Variants in ASXL2 observed in about 807,000 individuals in gnomAD.
ASXL2 encodes putative Polycomb group protein ASXL2.
Under a neutral mutation model 122.0 loss-of-function variants are expected in ASXL2, and 23 were observed. That is an observed-to-expected ratio of 0.19 (90% confidence interval 0.14 to 0.27). The LOEUF is 0.27. Among genes scored for constraint, ASXL2 ranks in the 10% least tolerant of loss-of-function variants. The probability of loss-of-function intolerance (pLI) is 1.00; values close to 1 mark genes in which losing one functional copy is unlikely to be tolerated. For synonymous variants in ASXL2, 650 were observed against 637.0 expected (o/e 1.02, Z -0.31); for missense variants, 1,518 against 1,713.8 (o/e 0.89, Z 2.02).
At chr2:25,844,921 G>A (rs1000893651) in intron 2 of ASXL2, among the ~76,000 whole-genome samples, 1 of 152,146 alleles carries the variant, frequency 6.6e-6, no homozygotes, top group Non-Finnish European at 1.5e-5. Flanking sequence ...ACAAGCATGA[G>A]CCACCATGCC....
Position 25,823,348 on chromosome 2 carries a change from A to G in ASXL2, c.143+12190T>C, listed in dbSNP as rs1433583219. On this transcript the variant is annotated intron_variant, in intron 3 of 12. Coordinates refer to ENST00000435504, the MANE Select transcript of ASXL2 (RefSeq NM_018263.6). The stretch of plus-strand genomic sequence containing the variant: ...AGAGAACTAAATTTTAGATTATAGA[A>G]CATGGATTCAAAAATGGCTGGAACA... Among the ~76,000 whole-genome samples the G allele has an allele frequency of 3.9e-5, 6 of 152,170 alleles. No individual in the cohort carries two copies. The East Asian group carries it at 7.7e-4, about 19-fold the overall frequency.
At chr2:25,757,577 A>G (rs2088157637) in intron 9 of ASXL2, among the ~76,000 whole-genome samples, 1 of 144,312 alleles carries the variant, frequency 6.9e-6, no homozygotes, top group African/African-American at 2.5e-5. Flanking sequence ...CAGGAGGCTG[A>G]GGCAGGAGAA....
intron 3 of ASXL2, chr2:25,810,796 C>G (rs923516073): frequency 3.9e-6 from 2 of 511,008 alleles, no homozygotes; most frequent in African/African-American, 1.9e-5. Flanking sequence ...TCACAAGAAG[C>G]TGAAAAAGTC....
In ASXL2 at chr2:25,742,460, C is replaced by A; in HGVS notation, c.3877G>T (p.Val1293Phe). The change falls in exon 13 of 13, where the codon GTT becomes TTT. Residue 1293 changes from valine to phenylalanine, a missense_variant. Transcript: ENST00000435504. The stretch of plus-strand genomic sequence containing the variant: ...GGGCTGTCTGCAGGCAGAGGAAGAA[C>A]AGTAGAACTGAAAAGCTCGGGGCTG... ...RSSPELFSST[V>F]LPLPADSPTH... 6.2e-7 allele frequency: 1 copy of A among 1,612,722 alleles called. No homozygotes were observed. Among genetic ancestry groups the A allele is most frequent in the Non-Finnish European group, 8.5e-7 (1 of 1,179,302 alleles).
chr2:25,772,301 A>C (rs1266596180), intron 5 of ASXL2, among the ~76,000 whole-genome samples: 1 of 152,202 alleles, frequency 6.6e-6, no homozygotes, highest in South Asian at 2.1e-4. Flanking sequence ...AAAAAATTAT[A>C]ATCACTACTG....
intron 5 of ASXL2, among the ~76,000 whole-genome samples, chr2:25,790,124 T>G (rs1356644579): frequency 6.6e-6 from 1 of 152,146 alleles, no homozygotes; most frequent in African/African-American, 2.4e-5. Flanking sequence ...CTATTGCTGT[T>G]CAAATGTCCA....
rs1415169740 is a variant in ASXL2, at chr2:25,738,988, G to T, written c.*3041C>A. The T allele has an allele frequency of 6.6e-6, 1 of 152,156 alleles. No homozygotes were observed. The highest frequency in any genetic ancestry group is 1.5e-5 in the Non-Finnish European group (1 of 68,026). The allele number at this position is 152,156 out of a possible 1,614,324, so 9.4% of individuals were successfully genotyped here. A position where few individuals can be genotyped will look rare whatever the true frequency, so the allele number is the denominator to read the frequency against. On this transcript the variant is annotated 3_prime_UTR_variant, in exon 13 of 13. Transcript: ENST00000435504. ...GCTTTACTTTCTGTTTAATAGGATGGAGAATTCTAATTCTCCAAAATTATT... is the reference window on the plus strand; with the variant it reads ...GCTTTACTTTCTGTTTAATAGGATGTAGAATTCTAATTCTCCAAAATTATT...
intron 1 of ASXL2, among the ~76,000 whole-genome samples, chr2:25,865,134 T>A (rs1384141244): frequency 6.6e-6 from 1 of 150,950 alleles, no homozygotes; most frequent in Non-Finnish European, 1.5e-5. Context: ...AAATTTACAA[T>A]TTAAATCCAA....
intron 1 of ASXL2, among the ~76,000 whole-genome samples, chr2:25,851,839 C>A (rs1258369577): frequency 6.6e-6 from 1 of 151,940 alleles, no homozygotes; most frequent in East Asian, 1.9e-4. Context: ...TGCCATGAGC[C>A]GAGATCGTGC....
Position 25,878,146 on chromosome 2 carries a change from C to T in ASXL2, c.57+20G>A, listed in dbSNP as rs1219878208. The T allele has an allele frequency of 1.2e-6, 2 of 1,613,650 alleles. No homozygotes were observed. Among genetic ancestry groups the T allele is most frequent in the Non-Finnish European group, 1.7e-6 (2 of 1,179,764 alleles). On this transcript the variant is annotated intron_variant, in intron 1 of 12. Transcript: ENST00000435504. ...GGAACAAAATCCTCCCGGCCTTCCCCTTCGCTCCCTCCCCCTTACCGTCTT... is the reference window on the plus strand; with the variant it reads ...GGAACAAAATCCTCCCGGCCTTCCCTTTCGCTCCCTCCCCCTTACCGTCTT...
chr2:25,799,894 T>C (rs927506745), intron 4 of ASXL2, among the ~76,000 whole-genome samples: 1 of 149,726 alleles, frequency 6.7e-6, no homozygotes, highest in Non-Finnish European at 1.5e-5. Context: ...CCTGTAATGC[T>C]AACACTTTGG....
At chr2:25,746,589 A>C (rs1379156877) in intron 12 of ASXL2, among the ~76,000 whole-genome samples, 1 of 152,110 alleles carries the variant, frequency 6.6e-6, no homozygotes, top group African/African-American at 2.4e-5. Flanking sequence ...ACAACTTTAC[A>C]TAAGAATACT....
intron 5 of ASXL2, among the ~76,000 whole-genome samples, chr2:25,780,697 T>C (rs1425933252): frequency 1.3e-5 from 2 of 152,236 alleles, no homozygotes. Context: ...CTGAGGTTAA[T>C]TCTTAGAAGT....
At chr2:25,838,842 G>T (rs893504296) in intron 2 of ASXL2, among the ~76,000 whole-genome samples, 1 of 152,148 alleles carries the variant, frequency 6.6e-6, no homozygotes, top group East Asian at 1.9e-4. Context: ...GAAGTATACC[G>T]TCAAAATGTA....
At chr2:25,789,958 T>C (rs1230445340) in intron 5 of ASXL2, among the ~76,000 whole-genome samples, 1 of 152,206 alleles carries the variant, frequency 6.6e-6, no homozygotes, top group African/African-American at 2.4e-5. Context: ...TGATGAAGCA[T>C]CGTAATAGTT....
At chr2:25,866,167 T>C (rs918639115) in intron 1 of ASXL2, among the ~76,000 whole-genome samples, 2 of 151,484 alleles carry the variant, frequency 1.3e-5, no homozygotes, top group African/African-American at 2.4e-5. Context: ...AGTCTCGCTC[T>C]GTCGCAAGGC....
At chr2:25,761,016 C>T (rs1463163101) in intron 8 of ASXL2, among the ~76,000 whole-genome samples, 1 of 152,140 alleles carries the variant, frequency 6.6e-6, no homozygotes, top group Admixed American at 6.5e-5. Context: ...AGGGTCTACA[C>T]TATATAGCCA....
chr2:25,848,583 A>G (rs2089678117), intron 1 of ASXL2, among the ~76,000 whole-genome samples: 1 of 152,014 alleles, frequency 6.6e-6, no homozygotes, highest in Admixed American at 6.6e-5. Context: ...AGATTGGGCC[A>G]CTGCACTCCA....
intron 1 of ASXL2, among the ~76,000 whole-genome samples, chr2:25,868,570 G>A (rs114013177): frequency 2.9e-3 from 449 of 152,306 alleles, no homozygotes; most frequent in African/African-American, 0.01. Flanking sequence ...AATTATCACA[G>A]ATATTTCCCA....
Sources: gnomAD v4.1 joint callset for allele counts (sites outside exome capture counted in the v4.1 genomes callset) on GRCh38, gnomAD v4.1.1 for gene constraint, MANE v1.5 for transcripts, NCBI Gene and HGNC (gene_info 2026-07-23, HGNC 2026-07-21) for gene names.